Variants in KRT86 observed in about 807,000 individuals in gnomAD.
KRT86 encodes the protein keratin 86.
Under a neutral mutation model 41.2 loss-of-function variants are expected in KRT86, and 30 were observed. The ratio of observed to expected loss-of-function variants is 0.73; its 90% CI spans 0.54 to 0.99. KRT86 has a LOEUF of 0.99. Ranked by LOEUF, KRT86 falls within the 50% of genes least tolerant of loss-of-function variation. KRT86 has a pLI of 0.00. For synonymous variants in KRT86, 238 were observed against 238.1 expected (o/e 1.00, Z 0.00); for missense variants, 561 against 571.4 (o/e 0.98, Z 0.19).
At chr12:52,291,189 G>T in intron 2 of KRT86, 9 of 1,338,368 alleles carry the variant, frequency 6.7e-6, no homozygotes, top group Non-Finnish European at 9.1e-6. Flanking sequence ...TCGATCTCCA[G>T]GTTGAGGGGC....
chr12:52,298,921 C>T (rs186663542), intron 2 of KRT86, among the ~76,000 whole-genome samples: 3,886 of 151,886 alleles, frequency 0.026, 178 homozygotes, highest in African/African-American at 0.09. Context: ...TTGGAATATC[C>T]ATCACCTCAA....
In KRT86 at chr12:52,291,318, C is replaced by G. The variant is rs1490837490; in HGVS notation, c.-4-10595C>G. 4 of 1,551,198 alleles carry G rather than the reference C, an allele frequency of 2.6e-6. No homozygotes were observed. The Admixed American group carries it at 5.9e-5, about 23-fold the overall frequency. On this transcript the variant is annotated intron_variant, in intron 2 of 10. Coordinates refer to ENST00000423955, the MANE Select transcript of KRT86 (RefSeq NM_001320198.2). ...GAGCCGGCCCGAAAGCCTCCGCACA[C>G]GCTGTGGCTGCCGAAGCCCCCGGTG... is the stretch of plus-strand genomic sequence containing the variant.
chr12:52,304,375 T>A (rs1298233134), intron 5 of KRT86, among the ~76,000 whole-genome samples: 1 of 127,636 alleles, frequency 7.8e-6, no homozygotes, highest in Non-Finnish European at 1.6e-5. Flanking sequence ...TACCAGCACC[T>A]ACCTTGGGCA....
chr12:52,300,153 C>T (rs1209246019), intron 2 of KRT86, among the ~76,000 whole-genome samples: 1 of 152,164 alleles, frequency 6.6e-6, no homozygotes, highest in Non-Finnish European at 1.5e-5. Flanking sequence ...AACTTTTCTG[C>T]TGCAACTATA....
At chr12:52,308,050 G>T (rs538350738) in intron 9 of KRT86, among the ~76,000 whole-genome samples, 183 bp from the exon 10 acceptor site, 68 of 152,308 alleles carry the variant, frequency 4.5e-4, no homozygotes, top group African/African-American at 1.4e-3. Context: ...GGCACTCACA[G>T]GCCTTCTGTC....
intron 2 of KRT86, among the ~76,000 whole-genome samples, chr12:52,301,013 C>A (rs529325006): frequency 2.6e-5 from 4 of 152,150 alleles, no homozygotes; most frequent in Admixed American, 2.6e-4. Flanking sequence ...CGAGGCTGGC[C>A]AATATGACCT....
intron 2 of KRT86, chr12:52,287,323 C>A (rs1937979058): frequency 6.2e-7 from 1 of 1,613,930 alleles, no homozygotes; most frequent in African/African-American, 1.3e-5. Flanking sequence ...GCTTGGAGTT[C>A]TGAAGAGAAC....
intron 2 of KRT86, chr12:52,291,403 C>T (rs1340068192): frequency 1.2e-6 from 2 of 1,610,236 alleles, no homozygotes; most frequent in East Asian, 2.2e-5. Flanking sequence ...AGCGGCCGGG[C>T]CGCGGCCCGC....
At chr12:52,278,250 G>A (rs1351674354) in intron 2 of KRT86, among the ~76,000 whole-genome samples, 1 of 152,150 alleles carries the variant, frequency 6.6e-6, no homozygotes, top group Non-Finnish European at 1.5e-5. Context: ...ACAAAACCCT[G>A]GCAGGGAGGT....
At chr12:52,293,536 G>C (rs954851166) in intron 2 of KRT86, among the ~76,000 whole-genome samples, 14 of 152,192 alleles carry the variant, frequency 9.2e-5, no homozygotes, top group Non-Finnish European at 1.9e-4. Context: ...AGTCAGAGTG[G>C]ATTGGGATGG....
Position 52,305,668 on chromosome 12 carries a change from G to A in KRT86, c.906G>A (p.Glu302=). Residue 302 remains glutamate (E), a synonymous_variant, in exon 8 of 11, where the codon GAG becomes GAA. Coordinates refer to ENST00000423955, the MANE Select transcript of KRT86 (RefSeq NM_001320198.2). ...AGCATCTCTACTTCCCCCAGTGTGA[G>A]GAGATGAAGGCCACGGTGATCAGGC... The part of the protein sequence containing the change: ...EAESWYRSKC[E]EMKATVIRHG... The A allele has an allele frequency of 6.2e-7, 1 of 1,614,122 alleles. No individual in the cohort carries two copies. The highest frequency in any genetic ancestry group is 1.1e-5 in the South Asian group (1 of 91,084).
chr12:52,287,732 T>A (rs1260851952), intron 2 of KRT86: 7 of 1,613,912 alleles, frequency 4.3e-6, no homozygotes, highest in Non-Finnish European at 5.9e-6. Context: ...CTGGGGGAAG[T>A]AGAGATGCTC....
chr12:52,291,524 A>T, intron 2 of KRT86: 2 of 1,602,520 alleles, frequency 1.2e-6, no homozygotes, highest in Admixed American at 1.7e-5. Context: ...GTCCTGATGG[A>T]AACTCCAATG....
At chr12:52,295,606 C>G (rs1216683464) in intron 2 of KRT86, among the ~76,000 whole-genome samples, 1 of 152,180 alleles carries the variant, frequency 6.6e-6, no homozygotes, top group Non-Finnish European at 1.5e-5. Flanking sequence ...CACCCTTGTT[C>G]TTGGCAAGCT....
At chr12:52,278,588 C>T (rs901936605) in intron 2 of KRT86, among the ~76,000 whole-genome samples, 1 of 151,948 alleles carries the variant, frequency 6.6e-6, no homozygotes, top group East Asian at 1.9e-4. Flanking sequence ...GAGTGTGTGT[C>T]CTGGGGAATG....
chr12:52,298,499 A>T (rs974086382), intron 2 of KRT86, among the ~76,000 whole-genome samples: 7 of 152,250 alleles, frequency 4.6e-5, no homozygotes, highest in Admixed American at 1.3e-4. Flanking sequence ...ATACGTCTGC[A>T]GCAGCAGCAT....
intron 2 of KRT86, among the ~76,000 whole-genome samples, chr12:52,283,800 G>A (rs1432311551): frequency 6.6e-6 from 1 of 151,308 alleles, no homozygotes; most frequent in Non-Finnish European, 1.5e-5. Context: ...TATTTCATTA[G>A]CAGATACACT....
Position 52,288,778 on chromosome 12 carries a change from A to G in KRT86, c.-5+12832A>G, listed in dbSNP as rs112977481. On this transcript the variant is annotated intron_variant, in intron 2 of 10. Transcript: ENST00000423955. ...ACACCCTGACCCTTTCCTGTCCCCC[A>G]CAAGTGCTCCAAGAGCCCAGTGGCT... 2.4e-3 allele frequency among the ~76,000 whole-genome samples: 363 copies of G among 150,912 alleles called. 2 individuals carry two copies. Among genetic ancestry groups the G allele is most frequent in the African/African-American group, 8.2e-3 (335 of 41,020 alleles).
intron 2 of KRT86, among the ~76,000 whole-genome samples, chr12:52,301,599 C>T (rs1938376925): frequency 6.6e-6 from 1 of 152,180 alleles, no homozygotes; most frequent in Admixed American, 6.5e-5. Flanking sequence ...GTTTCCTCAA[C>T]TGTGTATTGG....
Sources: gnomAD v4.1 joint callset for allele counts (sites outside exome capture counted in the v4.1 genomes callset) on GRCh38, gnomAD v4.1.1 for gene constraint, MANE v1.5 for transcripts, NCBI Gene and HGNC (gene_info 2026-07-23, HGNC 2026-07-21) for gene names.